ADGRL2: variants seen among roughly 807,000 people sequenced by gnomAD.
ADGRL2 encodes the protein adhesion G protein-coupled receptor L2.
A neutral mutation model predicts 157.4 loss-of-function variants in ADGRL2; 44 were observed. The ratio of observed to expected loss-of-function variants is 0.28; its 90% CI spans 0.22 to 0.36. ADGRL2 has a LOEUF of 0.36. ADGRL2 is among the 10% of genes least tolerant of loss of function. The pLI is 1.00. For synonymous variants in ADGRL2, 585 were observed against 624.7 expected, an observed-to-expected ratio of 0.94 and a Z score of 0.95; for missense variants, 1,510 against 1,768.9, an observed-to-expected ratio of 0.85 and a Z score of 2.63.
Position 81,993,070 on chromosome 1 carries a change from TATATATATATA to T in ADGRL2, c.*1926_*1936del. On this transcript the variant is annotated 3_prime_UTR_variant, in exon 24 of 24. Transcript: ENST00000686636. ...TATATATAATATACATATATATATA[TATATATATATA>T]TATATATTTTTTTTTTTTTTTTTTT... is the stretch of plus-strand genomic sequence containing the variant. Among the ~76,000 whole-genome samples the T allele has an allele frequency of 1.0e-4, 3 of 29,142 alleles. No homozygotes were observed. The highest frequency in any genetic ancestry group is 1.5e-3 in the South Asian group (1 of 656). The allele number at this position is 29,142 out of a possible 152,430, so 19.1% of individuals were successfully genotyped here. A position where few individuals can be genotyped will look rare whatever the true frequency, so the allele number is the denominator to read the frequency against.
chr1:81,638,834 C>T (rs2148792459), intron 3 of ADGRL2, among the ~76,000 whole-genome samples: 1 of 152,280 alleles, frequency 6.6e-6, no homozygotes, highest in Non-Finnish European at 1.5e-5. Context: ...GAAACTCCAT[C>T]TCTACAAAAA....
chr1:81,770,272 C>G (rs994193627), intron 2 of ADGRL2, among the ~76,000 whole-genome samples: 30 of 149,496 alleles, frequency 2.0e-4, no homozygotes, highest in African/African-American at 6.7e-4. Context: ...AAGCGATTCT[C>G]CTGCCTCAGC....
chr1:81,743,351 C>T (rs1195621379), intron 1 of ADGRL2, among the ~76,000 whole-genome samples: 1 of 147,882 alleles, frequency 6.8e-6, no homozygotes, highest in African/African-American at 2.5e-5. Flanking sequence ...AAAATAGGGA[C>T]ATTCTTATGG....
chr1:81,736,344 A>G (rs2084901974), intron 1 of ADGRL2, among the ~76,000 whole-genome samples: 1 of 152,182 alleles, frequency 6.6e-6, no homozygotes, highest in Non-Finnish European at 1.5e-5. Context: ...AGAAGTAAGT[A>G]GAAGAGGTAT....
chr1:81,423,955 G>A (rs1489004424), intron 1 of ADGRL2, among the ~76,000 whole-genome samples: 1 of 152,166 alleles, frequency 6.6e-6, no homozygotes, highest in Non-Finnish European at 1.5e-5. Flanking sequence ...ATCTACCAAT[G>A]TATCAGGCTT....
chr1:81,949,975 C>G (rs1404173653), intron 6 of ADGRL2, among the ~76,000 whole-genome samples: 3 of 152,148 alleles, frequency 2.0e-5, no homozygotes, highest in Non-Finnish European at 2.9e-5. Context: ...AAACTACCTA[C>G]TTTCTCTTAG....
chr1:81,415,844 T>A (rs900592096), intron 1 of ADGRL2, among the ~76,000 whole-genome samples: 7 of 52,772 alleles, frequency 1.3e-4, no homozygotes, highest in Non-Finnish European at 3.7e-4. Context: ...CTCCTTTTCC[T>A]TTTTTTTTTT....
intron 19 of ADGRL2, among the ~76,000 whole-genome samples, chr1:81,982,832 G>C (rs143233521): frequency 0.014 from 2,148 of 151,980 alleles, 54 homozygotes; most frequent in African/African-American, 0.049. Context: ...ATAGGCATTA[G>C]GCAAAACCAA....
intron 2 of ADGRL2, among the ~76,000 whole-genome samples, chr1:81,565,437 T>C (rs2080536025): frequency 6.6e-6 from 1 of 152,188 alleles, no homozygotes; most frequent in African/African-American, 2.4e-5. Flanking sequence ...GCGCTATGAG[T>C]ATCCACATTT....
intron 3 of ADGRL2, among the ~76,000 whole-genome samples, chr1:81,923,605 G>A (rs2201163): frequency 0.27 from 41,245 of 151,784 alleles, 6,031 homozygotes; most frequent in Middle Eastern, 0.36. Context: ...CAAAATTTCT[G>A]TAGTTTTTAT....
chr1:81,648,279 A>G (rs2148827466), intron 3 of ADGRL2, among the ~76,000 whole-genome samples: 1 of 152,266 alleles, frequency 6.6e-6, no homozygotes, highest in East Asian at 1.9e-4. Context: ...ACCACAGGAC[A>G]ATGAATCTGA....
At chr1:81,664,316 C>A (rs113764670) in intron 3 of ADGRL2, among the ~76,000 whole-genome samples, 35 of 152,098 alleles carry the variant, frequency 2.3e-4, no homozygotes, top group African/African-American at 7.7e-4. Flanking sequence ...TATTTTTCCA[C>A]CTTCTCATAA....
At chr1:81,603,693 G>A (rs947609573) in intron 3 of ADGRL2, among the ~76,000 whole-genome samples, 1 of 152,138 alleles carries the variant, frequency 6.6e-6, no homozygotes, top group Admixed American at 6.6e-5. Context: ...GACAATTGTG[G>A]AAACTATTTT....
chr1:81,799,800 TTTAA>T (rs1372629874), upstream of ADGRL2, among the ~76,000 whole-genome samples: 1 of 152,202 alleles, frequency 6.6e-6, no homozygotes, highest in Non-Finnish European at 1.5e-5. Flanking sequence ...AATATGCTTA[TTTAA>T]TTGATGGCTG....
chr1:81,603,659 T>C (rs377260998), intron 3 of ADGRL2, among the ~76,000 whole-genome samples: 2 of 152,190 alleles, frequency 1.3e-5, no homozygotes, highest in East Asian at 1.9e-4. Context: ...TCAGCAAGAC[T>C]AGGAATACAG....
chr1:81,603,888 G>C (rs1304536377), intron 3 of ADGRL2, among the ~76,000 whole-genome samples: 1 of 151,538 alleles, frequency 6.6e-6, no homozygotes, highest in African/African-American at 2.4e-5. Flanking sequence ...CTTGAACTTT[G>C]TTTAACAAAT....
intron 3 of ADGRL2, among the ~76,000 whole-genome samples, chr1:81,649,082 A>G (rs770065737): frequency 3.2e-4 from 49 of 152,078 alleles, no homozygotes; most frequent in Non-Finnish European, 5.9e-4. Flanking sequence ...TAAATACCCA[A>G]AGAAAGGAAG....
At chr1:81,562,704 T>A (rs995226625) in intron 2 of ADGRL2, among the ~76,000 whole-genome samples, 13 of 152,162 alleles carry the variant, frequency 8.5e-5, no homozygotes, top group Admixed American at 6.5e-4. Context: ...TTTAAAAAAA[T>A]TGATACCAAC....
At chr1:81,412,505 T>C (rs1234580575) in intron 1 of ADGRL2, among the ~76,000 whole-genome samples, 1 of 152,226 alleles carries the variant, frequency 6.6e-6, no homozygotes, top group Non-Finnish European at 1.5e-5. Context: ...CTTCATAGTG[T>C]AGTGCTATCA....
Sources: gnomAD v4.1 joint callset for allele counts (sites outside exome capture counted in the v4.1 genomes callset) on GRCh38, gnomAD v4.1.1 for gene constraint, MANE v1.5 for transcripts, NCBI Gene and HGNC (gene_info 2026-07-23, HGNC 2026-07-21) for gene names.